The following SCARB1 variants were observed in gnomAD, a reference collection of about 807,000 sequenced individuals.
SCARB1 encodes the protein scavenger receptor class B member 1, also known as CD36 and LIMPII analogous 1.
In SCARB1, 30 loss-of-function variants were observed where a neutral mutation model predicts 57.2. The observed-to-expected ratio is 0.52, with a 90% CI of 0.39 to 0.71. SCARB1 has a LOEUF of 0.71. Among genes scored for constraint, SCARB1 ranks in the 30% least tolerant of loss-of-function variants. SCARB1 has a pLI of 0.00. For synonymous variants in SCARB1, 249 were observed against 268.3 expected (o/e 0.93, Z 0.70); for missense variants, 543 against 671.2 (o/e 0.81, Z 2.11).
chr12:124,840,609 C>G (rs1050480720), intron 1 of SCARB1, among the ~76,000 whole-genome samples: 3 of 152,134 alleles, frequency 2.0e-5, no homozygotes, highest in Non-Finnish European at 2.9e-5. Context: ...ACCTCCCTCC[C>G]CCGATCTTCT....
At chr12:124,839,480 G>A (rs548412632) in intron 1 of SCARB1, among the ~76,000 whole-genome samples, 79 of 152,278 alleles carry the variant, frequency 5.2e-4, no homozygotes, top group Admixed American at 2.5e-3. Flanking sequence ...TGCTCCCACC[G>A]TTGGGCCATC....
At chr12:124,791,854 G>T (rs1477824445) in intron 9 of SCARB1, among the ~76,000 whole-genome samples, 1 of 152,054 alleles carries the variant, frequency 6.6e-6, no homozygotes, top group Non-Finnish European at 1.5e-5. Context: ...TACGCGGGAG[G>T]CTGAGGCAGG....
intron 1 of SCARB1, among the ~76,000 whole-genome samples, chr12:124,819,015 T>C (rs1288226265): frequency 6.6e-6 from 1 of 151,738 alleles, no homozygotes; most frequent in African/African-American, 2.4e-5. Context: ...TAGTCCCAGC[T>C]ACTTGGGAGG....
At chr12:124,784,083 G>A (rs1211586743) in intron 11 of SCARB1, 4 of 152,332 alleles carry the variant, frequency 2.6e-5, no homozygotes. Flanking sequence ...AGAGGGATGA[G>A]GCTGTCATGG....
At chr12:124,815,204 G>T in intron 2 of SCARB1, 90 bp from the exon 3 acceptor site, 1 of 1,489,988 alleles carries the variant, frequency 6.7e-7, no homozygotes, top group Non-Finnish European at 9.2e-7. Flanking sequence ...TGGGAACCAG[G>T]GGCCCTGGAC....
intron 1 of SCARB1, chr12:124,839,316 C>T (rs1374219993): frequency 2.2e-6 from 1 of 451,110 alleles, no homozygotes; most frequent in African/African-American, 2.0e-5. Context: ...CGGTATTTGT[C>T]CTGTTGTGGC....
At chr12:124,851,744 C>T (rs1254035554) in intron 1 of SCARB1, among the ~76,000 whole-genome samples, 1 of 151,494 alleles carries the variant, frequency 6.6e-6, no homozygotes, top group African/African-American at 2.4e-5. Context: ...GTAGCTGGGA[C>T]TACAGGTGTG....
chr12:124,816,655 C>T (rs1463354328), intron 2 of SCARB1, among the ~76,000 whole-genome samples: 1 of 152,118 alleles, frequency 6.6e-6, no homozygotes, highest in Non-Finnish European at 1.5e-5. Context: ...GCTCCCCTGT[C>T]TGTGAACTGG....
intron 12 of SCARB1, among the ~76,000 whole-genome samples, chr12:124,780,487 G>A (rs909168114): frequency 1.1e-4 from 16 of 152,210 alleles, no homozygotes; most frequent in Admixed American, 1.0e-3. Flanking sequence ...CTCAGAACAG[G>A]ACCCAAGAGG....
intron 7 of SCARB1, among the ~76,000 whole-genome samples, chr12:124,802,621 A>G (rs1476049536): frequency 6.6e-6 from 1 of 152,210 alleles, no homozygotes; most frequent in African/African-American, 2.4e-5. Flanking sequence ...CCGAGCCTGC[A>G]TGGACCCACG....
chr12:124,786,367 A>T lies in SCARB1; in HGVS notation c.1391T>A (p.Ile464Asn), dbSNP rs2135540184. Residue 464 changes from isoleucine (I) to asparagine (N), a missense_variant, in exon 11 of 13, where the codon ATC (isoleucine) becomes AAC (asparagine). Physicochemically the swap from Ile to Asn is moderately radical, Grantham distance 149 (BLOSUM62 -3). Coordinates refer to ENST00000261693, the MANE Select transcript of SCARB1 (RefSeq NM_005505.5). ...VLLLVPVICQ[I>N]RSQEKCYLFW... is the part of the protein sequence containing the mutation. Reference sequence around the variant, plus strand: ...CTGGCCAGCACCTACTTGGCTCCGGATTTGGCAGATGACAGGGACCAGCAG... The same window carrying T: ...CTGGCCAGCACCTACTTGGCTCCGGTTTTGGCAGATGACAGGGACCAGCAG... The T allele has an allele frequency of 6.2e-7, 1 of 1,613,960 alleles. No individual in the cohort carries two copies. Among genetic ancestry groups the T allele is most frequent in the East Asian group, 2.2e-5 (1 of 44,884 alleles).
At chr12:124,856,645 C>A (rs900565124) in intron 1 of SCARB1, among the ~76,000 whole-genome samples, 2 of 152,248 alleles carry the variant, frequency 1.3e-5, no homozygotes, top group African/African-American at 4.8e-5. Flanking sequence ...GCCCCCTCCC[C>A]ACCTGTGCCC....
chr12:124,818,570 A>G (rs1950827779), intron 1 of SCARB1, among the ~76,000 whole-genome samples: 1 of 152,118 alleles, frequency 6.6e-6, no homozygotes, highest in African/African-American at 2.4e-5. Flanking sequence ...TGTTCAAGCG[A>G]TTCTCCTGCC....
chr12:124,795,618 C>T (rs1477879532), intron 8 of SCARB1, among the ~76,000 whole-genome samples: 2 of 152,208 alleles, frequency 1.3e-5, no homozygotes, highest in Non-Finnish European at 2.9e-5. Context: ...GACAGCGTTT[C>T]CCAAAGTGCA....
intron 1 of SCARB1, among the ~76,000 whole-genome samples, chr12:124,862,674 G>A (rs1952945887): frequency 1.7e-5 from 2 of 115,276 alleles, no homozygotes; most frequent in Non-Finnish European, 1.8e-5. Context: ...TCCCCTCCCC[G>A]CCACTGCATG....
At chr12:124,815,839 C>A (rs1950692423) in intron 2 of SCARB1, among the ~76,000 whole-genome samples, 1 of 152,290 alleles carries the variant, frequency 6.6e-6, no homozygotes, top group South Asian at 2.1e-4. Flanking sequence ...GCACTCCAAC[C>A]TGGGTGAAAG....
At chr12:124,794,704 G>C (rs1949877023) in intron 9 of SCARB1, among the ~76,000 whole-genome samples, 1 of 152,204 alleles carries the variant, frequency 6.6e-6, no homozygotes, top group African/African-American at 2.4e-5. Flanking sequence ...GCCCAGGTGG[G>C]TGGATCACTT....
At chr12:124,824,301 T>C (rs890794965) in intron 1 of SCARB1, among the ~76,000 whole-genome samples, 15 of 152,106 alleles carry the variant, frequency 9.9e-5, no homozygotes, top group African/African-American at 3.1e-4. Context: ...AAGGCCACAC[T>C]TAGTGTCTGA....
At chr12:124,853,387 T>C (rs1952499923) in intron 1 of SCARB1, among the ~76,000 whole-genome samples, 1 of 128,158 alleles carries the variant, frequency 7.8e-6, no homozygotes, top group Non-Finnish European at 1.7e-5. Context: ...TTTGCATAGT[T>C]TTGTTTTTTT....
Sources: gnomAD v4.1 joint callset for allele counts (sites outside exome capture counted in the v4.1 genomes callset) on GRCh38, gnomAD v4.1.1 for gene constraint, MANE v1.5 for transcripts, NCBI Gene and HGNC (gene_info 2026-07-23, HGNC 2026-07-21) for gene names.